The following NLN variants were observed in gnomAD, a reference collection of about 807,000 sequenced individuals.
NLN encodes neurolysin, mitochondrial.
In NLN, 64 loss-of-function variants were observed where a neutral mutation model predicts 79.9. That is an observed-to-expected ratio of 0.80 (90% CI 0.65 to 0.99). The LOEUF (loss-of-function observed/expected upper bound fraction) is 0.99, where lower values mean the gene tolerates loss of function less well. Among genes scored for constraint, NLN ranks in the 50% least tolerant of loss-of-function variants. The pLI is 0.00. For missense variants in NLN, 835 were observed against 858.7 expected, an observed-to-expected ratio of 0.97 and a Z score of 0.34; for synonymous variants, 267 against 296.6, an observed-to-expected ratio of 0.90 and a Z score of 1.02.
chr5:65,821,499 A>C (rs1251676155), intron 12 of NLN, among the ~76,000 whole-genome samples: 1 of 152,222 alleles, frequency 6.6e-6, no homozygotes, highest in Non-Finnish European at 1.5e-5. Context: ...TGTTGAAATG[A>C]TACTATTGTA....
intron 1 of NLN, among the ~76,000 whole-genome samples, chr5:65,745,904 G>T (rs891354921): frequency 6.6e-6 from 1 of 152,188 alleles, no homozygotes; most frequent in Non-Finnish European, 1.5e-5. Flanking sequence ...ACATACTGGT[G>T]ATCGTCCTTG....
At chr5:65,748,407 C>G (rs550342285) in intron 1 of NLN, among the ~76,000 whole-genome samples, 1 of 152,240 alleles carries the variant, frequency 6.6e-6, no homozygotes, top group East Asian at 1.9e-4. Context: ...TTCTGAGGAG[C>G]ATCTCCAAGT....
intron 4 of NLN, among the ~76,000 whole-genome samples, chr5:65,779,811 T>C (rs1759759864): frequency 6.6e-6 from 1 of 152,204 alleles, no homozygotes; most frequent in Non-Finnish European, 1.5e-5. Flanking sequence ...AGAAACCTGT[T>C]TTATCAAGCA....
chr5:65,754,878 A>T (rs924657683), intron 1 of NLN, among the ~76,000 whole-genome samples: 2 of 152,140 alleles, frequency 1.3e-5, no homozygotes, highest in South Asian at 4.2e-4. Flanking sequence ...TTCTTCAGAT[A>T]CTCGGGTTCC....
chr5:65,759,520 G>A (rs1759296336), intron 2 of NLN, among the ~76,000 whole-genome samples: 1 of 152,048 alleles, frequency 6.6e-6, no homozygotes, highest in Non-Finnish European at 1.5e-5. Context: ...AGTCTGGAAA[G>A]TCCAGAATCT....
At chr5:65,809,252 G>A (rs1760488147) in intron 9 of NLN, 1 of 323,380 alleles carries the variant, frequency 3.1e-6, no homozygotes, top group Admixed American at 4.6e-5. Flanking sequence ...TTTCAGTTCT[G>A]GTTTTCTGAT....
intron 3 of NLN, among the ~76,000 whole-genome samples, chr5:65,776,119 G>A (rs922570528): frequency 1.6e-4 from 24 of 152,062 alleles, no homozygotes; most frequent in African/African-American, 5.6e-4. Context: ...TGGACGTGGT[G>A]GCACATGCCT....
rs1000937579 is a variant in NLN at position 65,802,232 on chromosome 5, C to A, written c.1528-7283C>A. Among the ~76,000 whole-genome samples, 3 of 152,314 alleles carry A rather than the reference C, an allele frequency of 2.0e-5. No individual in the cohort carries two copies. In the East Asian group the frequency reaches 5.8e-4, roughly 29 times the overall value. ...TGCCTGCCAAGGGCAAGTGGAGTGG[C>A]AAGGGGTGCATGAGTGAGCAAGCAT... On this transcript the variant is annotated intron_variant, in intron 9 of 12. Coordinates refer to ENST00000380985, the MANE Select transcript of NLN (RefSeq NM_020726.5).
chr5:65,774,726 TA>T (rs1759642318), intron 3 of NLN, among the ~76,000 whole-genome samples: 2 of 98,350 alleles, frequency 2.0e-5, no homozygotes, highest in African/African-American at 6.8e-5. Flanking sequence ...TATATATATA[TA>T]TATTTTTTTT....
At chr5:65,736,403 A>T (rs1267023972) in intron 1 of NLN, among the ~76,000 whole-genome samples, 1 of 152,192 alleles carries the variant, frequency 6.6e-6, no homozygotes, top group East Asian at 1.9e-4. Flanking sequence ...ATGTCTCCTG[A>T]TACATATGTG....
chr5:65,812,486 T>A, intron 12 of NLN, 95 bp downstream of exon 12: 1 of 831,814 alleles, frequency 1.2e-6, no homozygotes, highest in Non-Finnish European at 1.9e-6. Flanking sequence ...GATTTTACTG[T>A]AAGAGGCTTG....
intron 1 of NLN, among the ~76,000 whole-genome samples, chr5:65,727,857 T>C (rs1758512436): frequency 6.6e-6 from 1 of 152,076 alleles, no homozygotes; most frequent in Non-Finnish European, 1.5e-5. Flanking sequence ...ACCTCTGCCT[T>C]CTGGGTTCAA....
At chr5:65,812,219 G>T (rs772943765) in intron 11 of NLN, 36 bp from the exon 12 acceptor site, 1 of 1,598,460 alleles carries the variant, frequency 6.3e-7, no homozygotes, top group Admixed American at 1.7e-5. Flanking sequence ...ATTAACGTTT[G>T]CTATCACATT....
At chr5:65,735,731 C>G (rs1430324790) in intron 1 of NLN, among the ~76,000 whole-genome samples, 1 of 152,176 alleles carries the variant, frequency 6.6e-6, no homozygotes, top group East Asian at 1.9e-4. Context: ...ACAATCAAAA[C>G]TCTCTTGTGG....
chr5:65,726,726 A>G (rs1758482088), intron 1 of NLN, among the ~76,000 whole-genome samples: 1 of 152,244 alleles, frequency 6.6e-6, no homozygotes, highest in South Asian at 2.1e-4. Context: ...CTAATTTGTT[A>G]CATAAGGGCA....
chr5:65,727,774 T>G (rs79878200), intron 1 of NLN, among the ~76,000 whole-genome samples: 5 of 152,100 alleles, frequency 3.3e-5, no homozygotes, highest in African/African-American at 4.8e-5. Context: ...TGTTTTTTGG[T>G]TTTTGTTTTT....
intron 1 of NLN, among the ~76,000 whole-genome samples, chr5:65,741,527 G>A (rs1758868841): frequency 6.6e-6 from 1 of 152,148 alleles, no homozygotes; most frequent in African/African-American, 2.4e-5. Flanking sequence ...ATGTGTAAAT[G>A]ACACACACTA....
At chr5:65,768,390 A>G (rs1759500001) in intron 3 of NLN, among the ~76,000 whole-genome samples, 1 of 152,290 alleles carries the variant, frequency 6.6e-6, no homozygotes, top group Non-Finnish European at 1.5e-5. Context: ...TAAAACAACC[A>G]GATCTTGTGA....
chr5:65,783,492 T>C (rs919740384), intron 6 of NLN, among the ~76,000 whole-genome samples: 2 of 152,092 alleles, frequency 1.3e-5, no homozygotes, highest in African/African-American at 2.4e-5. Flanking sequence ...CATTGTCCCA[T>C]TGAGTATCAC....
Sources: allele counts gnomAD v4.1 joint callset (sites outside exome capture counted in the v4.1 genomes callset), GRCh38; gene constraint gnomAD v4.1.1; transcripts MANE v1.5; gene names NCBI Gene and HGNC (gene_info 2026-07-23, HGNC 2026-07-21).